Variants in ADCY2 observed in about 807,000 individuals in gnomAD.
The protein encoded by ADCY2 is adenylate cyclase 2.
A neutral mutation model predicts 125.2 loss-of-function variants in ADCY2; 31 were observed. That is an observed-to-expected ratio of 0.25 (90% confidence interval 0.19 to 0.33). ADCY2 has a LOEUF of 0.33. Among genes scored for constraint, ADCY2 ranks in the 10% least tolerant of loss-of-function variants. ADCY2 has a pLI of 1.00. For missense variants in ADCY2, 904 were observed against 1,418.2 expected, an observed-to-expected ratio of 0.64 and a Z score of 5.82; for synonymous variants, 512 against 548.4, an observed-to-expected ratio of 0.93 and a Z score of 0.93.
At chr5:7,589,458 A>AAAATAAAG (rs1554022170) in intron 3 of ADCY2, among the ~76,000 whole-genome samples, 1 of 72,932 alleles carries the variant, frequency 1.4e-5, no homozygotes, top group African/African-American at 5.1e-5. Context: ...GAAGGAAAGA[A>AAAATAAAG]AAAGAAAGAA....
chr5:7,400,109 A>G (rs1199130166), intron 1 of ADCY2, among the ~76,000 whole-genome samples: 1 of 149,436 alleles, frequency 6.7e-6, no homozygotes. Context: ...ATTTTTTTTT[A>G]TTTTGTCAGG....
chr5:7,744,129 C>T (rs1742525935), intron 15 of ADCY2, among the ~76,000 whole-genome samples: 1 of 151,994 alleles, frequency 6.6e-6, no homozygotes. Flanking sequence ...GAGCAGAAAA[C>T]CAAACACTGC....
chr5:7,437,484 C>T (rs766015070), intron 2 of ADCY2, among the ~76,000 whole-genome samples: 3 of 152,232 alleles, frequency 2.0e-5, no homozygotes, highest in Admixed American at 6.5e-5. Context: ...GCACACGTTA[C>T]GAAGACCCTG....
At chr5:7,477,407 T>C (rs566463068) in intron 2 of ADCY2, among the ~76,000 whole-genome samples, 29 of 152,232 alleles carry the variant, frequency 1.9e-4, no homozygotes, top group Non-Finnish European at 3.4e-4. Flanking sequence ...GGTGCATTCA[T>C]TTATATTCTA....
At chr5:7,781,779 G>A (rs895195519) in intron 18 of ADCY2, among the ~76,000 whole-genome samples, 1 of 152,172 alleles carries the variant, frequency 6.6e-6, no homozygotes, top group Non-Finnish European at 1.5e-5. Context: ...GGATTTTAAT[G>A]TACCTCTCCC....
chr5:7,749,139 A>G (rs1742725152), intron 15 of ADCY2, among the ~76,000 whole-genome samples: 1 of 152,314 alleles, frequency 6.6e-6, no homozygotes, highest in Admixed American at 6.5e-5. Context: ...TTGGTAAGTC[A>G]TGGTAACTTC....
intron 2 of ADCY2, among the ~76,000 whole-genome samples, chr5:7,474,822 G>A (rs562855119): frequency 6.6e-6 from 1 of 152,366 alleles, no homozygotes; most frequent in African/African-American, 2.4e-5. Flanking sequence ...ACACCTCTCT[G>A]GTGGGGTGGT....
chr5:7,715,855 A>G (rs1445798723), intron 11 of ADCY2, among the ~76,000 whole-genome samples: 2 of 152,296 alleles, frequency 1.3e-5, no homozygotes, highest in Middle Eastern at 3.4e-3. Flanking sequence ...ATTCTTATCT[A>G]TATGTAGAGG....
chr5:7,726,374 T>C (rs1249388111), intron 13 of ADCY2, among the ~76,000 whole-genome samples: 2 of 152,080 alleles, frequency 1.3e-5, no homozygotes, highest in Non-Finnish European at 2.9e-5. Flanking sequence ...ATAGGGGCTG[T>C]TGTGTGGATT....
At chr5:7,440,221 G>A (rs958161336) in intron 2 of ADCY2, among the ~76,000 whole-genome samples, 8 of 152,090 alleles carry the variant, frequency 5.3e-5, no homozygotes, top group African/African-American at 1.4e-4. Context: ...TGAGGATTTC[G>A]TCATGCATTA....
Position 7,828,299 on chromosome 5 carries a change from C to T in ADCY2, c.*1428C>T, listed in dbSNP as rs949324152. The T allele has an allele frequency of 6.6e-6, 1 of 152,664 alleles. No individual in the cohort carries two copies. Among genetic ancestry groups the T allele is most frequent in the African/African-American group, 2.4e-5 (1 of 41,464 alleles). The allele number at this position is 152,664 out of a possible 1,614,324, so 9.5% of individuals were successfully genotyped here. On this transcript the variant is annotated 3_prime_UTR_variant, in exon 25 of 25. Coordinates refer to ENST00000338316, the MANE Select transcript of ADCY2 (RefSeq NM_020546.3). Reference sequence around the variant, plus strand: ...TTAGGAAGCCTTTTATTCGTGGGAACTCGAACTTGAAGCACAAGTTCCTGG... The same window carrying T: ...TTAGGAAGCCTTTTATTCGTGGGAATTCGAACTTGAAGCACAAGTTCCTGG...
chr5:7,818,364 T>C (rs1400322444), intron 23 of ADCY2, among the ~76,000 whole-genome samples: 1 of 151,250 alleles, frequency 6.6e-6, no homozygotes, highest in Non-Finnish European at 1.5e-5. Flanking sequence ...TTTTTTTTTT[T>C]TTTCTTTTGT....
Position 7,709,155 on chromosome 5 carries a change from G to A in ADCY2, c.1402-56G>A, listed in dbSNP as rs1364926395. ...TAGTCCAATGAGGTCGATGCCAAAA[G>A]GATCATGTGTGGCCCTGTGCTGTGC... is the stretch of plus-strand genomic sequence containing the variant. On this transcript the variant is annotated intron_variant, in intron 9 of 24. Transcript: ENST00000338316. The surrounding 1 kb of genome is among the most constrained non-coding windows in gnomAD (Gnocchi z 4.4). 6.8e-7 allele frequency: 1 copy of A among 1,473,040 alleles called. No homozygotes were observed. Among genetic ancestry groups the A allele is most frequent in the East Asian group, 2.5e-5 (1 of 40,490 alleles). The allele number at this position is 1,473,040 out of a possible 1,614,324, so 91.2% of individuals were successfully genotyped here. A position where few individuals can be genotyped will look rare whatever the true frequency, so the allele number is the denominator to read the frequency against.
chr5:7,629,938 T>G (rs1169185580), intron 4 of ADCY2, among the ~76,000 whole-genome samples: 1 of 152,272 alleles, frequency 6.6e-6, no homozygotes, highest in African/African-American at 2.4e-5. Flanking sequence ...TGCTATTTCA[T>G]AGAGGGAGAA....
intron 2 of ADCY2, among the ~76,000 whole-genome samples, chr5:7,512,907 C>A (rs1470578993): frequency 6.6e-6 from 1 of 152,072 alleles, no homozygotes; most frequent in Non-Finnish European, 1.5e-5. Context: ...GAGATCCAGA[C>A]CTCTGTAGAG....
At chr5:7,653,983 T>C (rs747815868) in intron 4 of ADCY2, 50 of 428,260 alleles carry the variant, frequency 1.2e-4, no homozygotes, top group South Asian at 6.0e-4. Flanking sequence ...GAAGAGCTGT[T>C]GAGAAGACCA....
intron 13 of ADCY2, 152 bp from the exon 14 acceptor site, chr5:7,727,012 A>G: frequency 1.7e-6 from 1 of 596,784 alleles, no homozygotes; most frequent in South Asian, 2.1e-5. Context: ...CTCATTGCTG[A>G]GATGAACAGG....
intron 2 of ADCY2, among the ~76,000 whole-genome samples, chr5:7,481,578 C>T (rs373971086): frequency 7.2e-5 from 11 of 152,230 alleles, no homozygotes; most frequent in African/African-American, 2.6e-4. Flanking sequence ...ATGTTGAGTA[C>T]CTTTTCATAT....
At position 7,433,047 on chromosome 5, in the gene ADCY2, GTGT is replaced by G. The variant is rs574075877; in HGVS notation, c.408+18282_408+18284del. On this transcript the variant is annotated intron_variant, in intron 2 of 24. Coordinates refer to ENST00000338316, the MANE Select transcript of ADCY2 (RefSeq NM_020546.3). ...AACTATTAACACTTGTCTTCAGCAG[GTGT>G]TGTTCACATGGTAAACATGAAACAA... Among the ~76,000 whole-genome samples the G allele has an allele frequency of 5.7e-4, 86 of 151,506 alleles. 1 individual carries two copies. Among genetic ancestry groups the G allele is most frequent in the Non-Finnish European group, 1.0e-3 (71 of 67,846 alleles).
Sources: gnomAD v4.1 joint callset for allele counts (sites outside exome capture counted in the v4.1 genomes callset) on GRCh38, gnomAD v4.1.1 for gene constraint, Gnocchi (gnomAD v3.1) non-coding constraint, MANE v1.5 for transcripts, NCBI Gene and HGNC (gene_info 2026-07-23, HGNC 2026-07-21) for gene names.